Variants in CES3 observed in about 807,000 individuals in gnomAD.
The protein encoded by CES3 is carboxylesterase 3.
A neutral mutation model predicts 57.6 loss-of-function variants in CES3; 49 were observed. The observed-to-expected ratio is 0.85, with a 90% CI of 0.68 to 1.08. The LOEUF (loss-of-function observed/expected upper bound fraction) is 1.08. Ranked by LOEUF, CES3 falls within the 50% of genes least tolerant of loss-of-function variation. CES3 has a pLI of 0.00. For synonymous variants in CES3, 266 were observed against 281.6 expected, an observed-to-expected ratio of 0.94 and a Z score of 0.55; for missense variants, 645 against 742.0, an observed-to-expected ratio of 0.87 and a Z score of 1.52.
At chr16:66,968,311 T>C (rs532537911) in intron 8 of CES3, among the ~76,000 whole-genome samples, 2 of 152,216 alleles carry the variant, frequency 1.3e-5, no homozygotes, top group Non-Finnish European at 2.9e-5. Flanking sequence ...ATTACAGGCA[T>C]CTGCCACCAT....
intron 6 of CES3, 24 bp from the exon 7 acceptor site, chr16:66,966,220 C>A (rs1337525327): frequency 6.2e-7 from 1 of 1,606,318 alleles, no homozygotes; most frequent in Non-Finnish European, 8.5e-7. Flanking sequence ...GAGAGGGAGG[C>A]ATGACTCTTT....
chr16:66,972,112 G>C (rs967686062), intron 10 of CES3, among the ~76,000 whole-genome samples: 1 of 152,054 alleles, frequency 6.6e-6, no homozygotes, highest in Non-Finnish European at 1.5e-5. Flanking sequence ...ACTCCAGCCT[G>C]GTCGACAGCA....
intron 6 of CES3, among the ~76,000 whole-genome samples, chr16:66,965,181 C>T (rs562600065): frequency 1.3e-5 from 2 of 152,320 alleles, no homozygotes; most frequent in South Asian, 4.1e-4. Context: ...ACAGGTCCTG[C>T]AGGAGCAAGC....
chr16:66,967,619 G>T, intron 8 of CES3: 1 of 984,918 alleles, frequency 1.0e-6, no homozygotes, highest in South Asian at 4.7e-5. Flanking sequence ...CTTTCATCCC[G>T]AGCATCTTGT....
Position 66,972,450 on chromosome 16 carries a change from C to G in CES3, c.1386C>G (p.Ala462=), listed in dbSNP as rs71649612. Residue 462 remains alanine, a synonymous_variant, in exon 11 of 13, where the codon GCC becomes GCG. Coordinates refer to ENST00000303334, the MANE Select transcript of CES3 (RefSeq NM_024922.6). ...CCTGGGTGAAGGCTGATCATGGGGCCGAGGGTGCTTTTGTGTTCGGAGGTC... is the reference window on the plus strand; with the variant it reads ...CCTGGGTGAAGGCTGATCATGGGGCGGAGGGTGCTTTTGTGTTCGGAGGTC... The part of the protein sequence containing the change: ...KPAWVKADHG[A]EGAFVFGGPF... 5.0e-5 allele frequency: 80 copies of G among 1,613,916 alleles called. No homozygotes were observed. The Admixed American group carries it at 7.0e-4, about 14-fold the overall frequency.
Position 66,974,835 on chromosome 16 carries a change from C to G in CES3, c.*1786C>G, listed in dbSNP as rs1336847288. On this transcript the variant is annotated 3_prime_UTR_variant, in exon 13 of 13. Coordinates refer to ENST00000303334, the MANE Select transcript of CES3 (RefSeq NM_024922.6). ...GCTCAGTGTTTGTGAATGCACCAATCCACACTCTGTATCTGGCTACTCTGG... is the reference window on the plus strand; with the variant it reads ...GCTCAGTGTTTGTGAATGCACCAATGCACACTCTGTATCTGGCTACTCTGG... The G allele has an allele frequency of 1.3e-5, 2 of 152,378 alleles. No individual in the cohort carries two copies. Among genetic ancestry groups the G allele is most frequent in the African/African-American group, 4.8e-5 (2 of 41,456 alleles). The allele number at this position is 152,378 out of a possible 1,614,324, so 9.4% of individuals were successfully genotyped here.
chr16:66,969,832 C>T (rs1963800095), intron 9 of CES3, 73 bp downstream of exon 9: 3 of 1,330,462 alleles, frequency 2.3e-6, no homozygotes, highest in Non-Finnish European at 3.2e-6. Context: ...TCCAACAGCA[C>T]AGTCTCTGCC....
In CES3 at chr16:66,964,625, C is replaced by T. The variant is rs1287160699; in HGVS notation, c.717C>T (p.Val239=). ...CCTCCTCTCTCCAATGCACCCAGGT[C>T]CTGTCCCCAGTGGCTGCAGGGCTGT... ...SAGGSIISGL[V]LSPVAAGLFH... is the part of the protein sequence containing the mutation. Residue 239 remains valine (V), a splice_region_variant and synonymous_variant, in exon 6 of 13, where the codon GTC becomes GTT. Transcript: ENST00000303334. The T allele has an allele frequency of 6.2e-7, 1 of 1,613,828 alleles. No individual in the cohort carries two copies. Among genetic ancestry groups the T allele is most frequent in the Non-Finnish European group, 8.5e-7 (1 of 1,179,886 alleles).
intron 9 of CES3, 66 bp downstream of exon 9, chr16:66,969,825 A>G (rs1597023377): frequency 1.4e-6 from 2 of 1,393,690 alleles, no homozygotes; most frequent in East Asian, 4.9e-5. Context: ...TATCCCATCC[A>G]ACAGCACAGT....
rs143859743 is a variant in CES3, at chr16:66,963,881, G to A, written c.506G>A (p.Gly169Glu). 744 of 1,614,198 alleles carry A rather than the reference G, an allele frequency of 4.6e-4. 2 individuals carry two copies. Among genetic ancestry groups the A allele is most frequent in the Non-Finnish European group, 5.4e-4 (638 of 1,180,010 alleles). ...SYDGSALAAYGDVVVVTVQYR... is the reference protein window; with the variant it reads ...SYDGSALAAYEDVVVVTVQYR... ...GATGGATCAGCTCTGGCTGCCTATG[G>A]GGATGTGGTCGTGGTTACAGTCCAG... The change falls in exon 4 of 13, where the codon GGG becomes GAG. Residue 169 changes from glycine to glutamate, a missense_variant. Coordinates refer to ENST00000303334, the MANE Select transcript of CES3 (RefSeq NM_024922.6). The surrounding 1 kb of genome is among the most constrained non-coding windows in gnomAD (Gnocchi z 4.9).
At chr16:66,972,627 C>T (rs1488093365) in intron 11 of CES3, 41 bp from the exon 12 acceptor site, 9 of 1,613,576 alleles carry the variant, frequency 5.6e-6, no homozygotes, top group Admixed American at 1.7e-5. Flanking sequence ...TTCCAGGTCC[C>T]ACCTGACTCT....
chr16:66,974,434 A>C lies in CES3; in HGVS notation c.*1385A>C. Reference sequence around the variant, plus strand: ...CCTGGGCCAGCAGCTGCTGTGCTCGATTTCTCGCTGGGCCTTAGCTGCCTC... The same window carrying C: ...CCTGGGCCAGCAGCTGCTGTGCTCGCTTTCTCGCTGGGCCTTAGCTGCCTC... On this transcript the variant is annotated 3_prime_UTR_variant, in exon 13 of 13. Transcript: ENST00000303334. 6.6e-6 allele frequency: 1 copy of C among 152,402 alleles called. No homozygotes were observed. The highest frequency in any genetic ancestry group is 1.5e-5 in the Non-Finnish European group (1 of 68,248). The allele number at this position is 152,402 out of a possible 1,614,324, so 9.4% of individuals were successfully genotyped here. A position where few individuals can be genotyped will look rare whatever the true frequency, so the allele number is the denominator to read the frequency against.
chr16:66,972,579 C>T (rs1963856682), intron 11 of CES3, 74 bp downstream of exon 11: 2 of 1,607,346 alleles, frequency 1.2e-6, no homozygotes, highest in Non-Finnish European at 1.7e-6. Flanking sequence ...CTTGCAGGAA[C>T]ACGGGTCTCC....
chr16:66,972,451 G>T lies in CES3; in HGVS notation c.1387G>T (p.Glu463Ter). 1 of 1,614,070 alleles carries T rather than the reference G, an allele frequency of 6.2e-7. No individual in the cohort carries two copies. Among genetic ancestry groups the T allele is most frequent in the Non-Finnish European group, 8.5e-7 (1 of 1,179,992 alleles). Reference sequence around the variant, plus strand: ...CTGGGTGAAGGCTGATCATGGGGCCGAGGGTGCTTTTGTGTTCGGAGGTCC... The same window carrying T: ...CTGGGTGAAGGCTGATCATGGGGCCTAGGGTGCTTTTGTGTTCGGAGGTCC... ...PAWVKADHGA[E>*]GAFVFGGPFL... Residue 463 changes from glutamate (E) to a stop codon, truncating the protein, a stop_gained, in exon 11 of 13, where the codon GAG becomes TAG. Transcript: ENST00000303334. LOFTEE classifies it high-confidence loss of function.
chr16:66,963,564 T>C lies in CES3; in HGVS notation c.361T>C (p.Ser121Pro). ...CGGAAAACAGCAGATCTTCTCCGTT[T>C]CAGAGGACTGCCTGGTCCTCAACGT... ...LNGKQQIFSV[S>P]EDCLVLNVYS... The change falls in exon 3 of 13, where the codon TCA (serine) becomes CCA (proline). Residue 121 changes from serine to proline, a missense_variant. Ser to Pro is a moderately conservative substitution (Grantham distance 74). Coordinates refer to ENST00000303334, the MANE Select transcript of CES3 (RefSeq NM_024922.6). This position sits in a 1 kb window ranked among gnomAD's most constrained non-coding sequence, Gnocchi z 4.9. 6.2e-7 allele frequency: 1 copy of C among 1,614,228 alleles called. No homozygotes were observed. Among genetic ancestry groups the C allele is most frequent in the Non-Finnish European group, 8.5e-7 (1 of 1,180,036 alleles).
chr16:66,972,568 G>A, intron 11 of CES3, 63 bp downstream of exon 11: 1 of 1,606,836 alleles, frequency 6.2e-7, no homozygotes, highest in Non-Finnish European at 8.5e-7. Context: ...CCTGGGCAGG[G>A]CTTGCAGGAA....
chr16:66,971,637 TG>T (rs34226199), intron 10 of CES3, among the ~76,000 whole-genome samples: 36 of 152,150 alleles, frequency 2.4e-4, no homozygotes, highest in Admixed American at 1.9e-3. Context: ...TCAGCACTTC[TG>T]GGGGGAAAGT....
chr16:66,972,281 A>T, intron 10 of CES3, 75 bp from the exon 11 acceptor site: 1 of 1,389,366 alleles, frequency 7.2e-7, no homozygotes, highest in Non-Finnish European at 9.7e-7. Context: ...TGGTGTTATT[A>T]TGAGCATGTG....
At chr16:66,972,253 C>G (rs571573990) in intron 10 of CES3, 103 bp from the exon 11 acceptor site, 4 of 1,177,482 alleles carry the variant, frequency 3.4e-6, no homozygotes, top group Admixed American at 2.7e-5. Context: ...TCATCATCAT[C>G]ATCATCATCA....
Sources: gnomAD v4.1 joint callset for allele counts (sites outside exome capture counted in the v4.1 genomes callset) on GRCh38, gnomAD v4.1.1 for gene constraint, Gnocchi (gnomAD v3.1) non-coding constraint, MANE v1.5 for transcripts, NCBI Gene and HGNC (gene_info 2026-07-23, HGNC 2026-07-21) for gene names.